ZNF536: variants seen among roughly 807,000 people sequenced by gnomAD.
ZNF536 encodes zinc finger protein 536.
In ZNF536, 13 loss-of-function variants were observed where a neutral mutation model predicts 84.5. The observed-to-expected ratio is 0.15, with a 90% CI of 0.10 to 0.24. The LOEUF is 0.24. ZNF536 is among the 10% of genes least tolerant of loss of function. The pLI is 1.00. For missense variants in ZNF536, 1,536 were observed against 1,747.5 expected (o/e 0.88, Z 2.16); for synonymous variants, 811 against 742.5 (o/e 1.09, Z -1.50).
intron 1 of ZNF536, among the ~76,000 whole-genome samples, chr19:30,676,529 A>C (rs894702957): frequency 6.6e-6 from 1 of 152,382 alleles, no homozygotes. Flanking sequence ...AAGGTAACAC[A>C]AAATATGATT....
chr19:30,416,554 G>A (rs1335456798), intron 1 of ZNF536, among the ~76,000 whole-genome samples: 1 of 151,976 alleles, frequency 6.6e-6, no homozygotes, highest in Non-Finnish European at 1.5e-5. Context: ...TGCAGTGTGG[G>A]GTGTGTGGGC....
rs183152735 is a variant in ZNF536 at position 30,413,690 on chromosome 19, G to A, written c.-2-29871G>A. Among the ~76,000 whole-genome samples the A allele has an allele frequency of 3.9e-4, 59 of 152,144 alleles. No homozygotes were observed. In the East Asian group the frequency reaches 5.2e-3, roughly 13 times the overall value. ...TTGTTAGTTTTGCATTACATTACCCGCTTTTGCATTATGTATTTTATAGCT... is the reference window on the plus strand; with the variant it reads ...TTGTTAGTTTTGCATTACATTACCCACTTTTGCATTATGTATTTTATAGCT... On this transcript the variant is annotated intron_variant, in intron 1 of 4. Transcript: ENST00000355537.
At chr19:30,439,928 G>C (rs1034538001) in intron 1 of ZNF536, among the ~76,000 whole-genome samples, 3 of 133,888 alleles carry the variant, frequency 2.2e-5, no homozygotes, top group South Asian at 2.5e-4. Flanking sequence ...CTTTCCTTTT[G>C]TTTCTTTCTT....
At chr19:30,508,298 T>C (rs2145464919) in intron 2 of ZNF536, among the ~76,000 whole-genome samples, 1 of 152,312 alleles carries the variant, frequency 6.6e-6, no homozygotes, top group South Asian at 2.1e-4. Flanking sequence ...TGGGCTGCCA[T>C]TGCAGACCCC....
At chr19:30,474,430 G>A (rs1249200748) in intron 2 of ZNF536, among the ~76,000 whole-genome samples, 1 of 151,922 alleles carries the variant, frequency 6.6e-6, no homozygotes, top group East Asian at 1.9e-4. Flanking sequence ...TGTTCCTCAC[G>A]TTTTCCACTC....
intron 2 of ZNF536, among the ~76,000 whole-genome samples, chr19:30,458,475 G>A (rs2004788): frequency 9.4e-5 from 7 of 74,596 alleles, no homozygotes; most frequent in African/African-American, 4.7e-4. Context: ...TTTTTTGACC[G>A]AGTTTCACTC....
At chr19:30,513,535 G>T (rs1023501401) in intron 2 of ZNF536, among the ~76,000 whole-genome samples, 14 of 152,158 alleles carry the variant, frequency 9.2e-5, no homozygotes, top group Non-Finnish European at 2.9e-5. Flanking sequence ...ATAGTTCCAA[G>T]TTAAAAATAA....
chr19:30,404,739 G>T (rs2147577688), intron 1 of ZNF536, among the ~76,000 whole-genome samples: 1 of 152,076 alleles, frequency 6.6e-6, no homozygotes, highest in South Asian at 2.1e-4. Context: ...GGAGGCGGGG[G>T]GGCTCCTCAA....
rs1436742670 is a variant in ZNF536, at chr19:30,529,064, A to T, written c.2171-5783A>T. 5.3e-5 allele frequency among the ~76,000 whole-genome samples: 8 copies of T among 151,892 alleles called. No homozygotes were observed. In the East Asian group the frequency reaches 1.5e-3, roughly 29 times the overall value. On this transcript the variant is annotated intron_variant, in intron 2 of 4. Coordinates refer to ENST00000355537, the MANE Select transcript of ZNF536 (RefSeq NM_014717.3). ...GGAGGGGTGAAGGGACTTGCTTGGGATAGTTGGATATTAGGGACCCGGGAG... is the reference window on the plus strand; with the variant it reads ...GGAGGGGTGAAGGGACTTGCTTGGGTTAGTTGGATATTAGGGACCCGGGAG...
At chr19:30,359,317 G>A (rs1442546974) in intron 3 of ZNF536, among the ~76,000 whole-genome samples, 2 of 152,188 alleles carry the variant, frequency 1.3e-5, no homozygotes, top group African/African-American at 2.4e-5. Context: ...TGGCCAGTGC[G>A]GCCCTGAGCT....
chr19:30,261,098 A>G (rs1030321478), intron 1 of ZNF536, among the ~76,000 whole-genome samples: 11 of 151,894 alleles, frequency 7.2e-5, no homozygotes, highest in Non-Finnish European at 1.5e-4. Flanking sequence ...GGAGATCGAG[A>G]CCATCCTGGC....
intron 1 of ZNF536, among the ~76,000 whole-genome samples, chr19:30,383,743 C>CTTTCTTTCTT (rs1322092817): frequency 6.0e-4 from 14 of 23,220 alleles, no homozygotes; most frequent in East Asian, 7.4e-4. Context: ...TTCTTTCTTT[C>CTTTCTTTCTT]TCTTTCTTTC....
At chr19:30,699,771 AG>A (rs2051819914) in intron 1 of ZNF536, among the ~76,000 whole-genome samples, 1 of 152,168 alleles carries the variant, frequency 6.6e-6, no homozygotes, top group African/African-American at 2.4e-5. Flanking sequence ...CCCATTTTGC[AG>A]CCTCAGGGTC....
intron 1 of ZNF536, among the ~76,000 whole-genome samples, chr19:30,617,849 TA>T (rs2048357968): frequency 6.6e-6 from 1 of 152,222 alleles, no homozygotes; most frequent in Non-Finnish European, 1.5e-5. Flanking sequence ...TCTAAATCCA[TA>T]TACATCCTAC....
chr19:30,501,392 T>C (rs1306715049), intron 2 of ZNF536, among the ~76,000 whole-genome samples: 1 of 152,206 alleles, frequency 6.6e-6, no homozygotes, highest in East Asian at 1.9e-4. Context: ...TAGCTCATGC[T>C]CTGAACCACT....
intron 1 of ZNF536, among the ~76,000 whole-genome samples, chr19:30,380,849 T>G (rs2048995214): frequency 6.6e-6 from 1 of 152,112 alleles, no homozygotes; most frequent in Non-Finnish European, 1.5e-5. Flanking sequence ...ATAAATTTAT[T>G]TATCTAAATT....
At chr19:30,682,690 C>T (rs2051024399) in intron 1 of ZNF536, among the ~76,000 whole-genome samples, 1 of 152,194 alleles carries the variant, frequency 6.6e-6, no homozygotes, top group Non-Finnish European at 1.5e-5. Flanking sequence ...TCCCTCTCTG[C>T]CTCCCCTCAG....
intron 2 of ZNF536, among the ~76,000 whole-genome samples, chr19:30,487,702 G>A (rs2054355038): frequency 6.6e-6 from 1 of 152,036 alleles, no homozygotes; most frequent in African/African-American, 2.4e-5. Flanking sequence ...AAGTCCTGAA[G>A]TGAGGACCAA....
chr19:30,687,634 C>T (rs941330025), intron 1 of ZNF536, among the ~76,000 whole-genome samples: 4 of 152,078 alleles, frequency 2.6e-5, no homozygotes, highest in Non-Finnish European at 5.9e-5. Flanking sequence ...TATTTACTGT[C>T]GATGTGTATA....
Sources: allele counts gnomAD v4.1 joint callset (sites outside exome capture counted in the v4.1 genomes callset), GRCh38; gene constraint gnomAD v4.1.1; transcripts MANE v1.5; gene names NCBI Gene and HGNC (gene_info 2026-07-23, HGNC 2026-07-21).